The following MYO3A variants were observed in gnomAD, a reference collection of about 807,000 sequenced individuals.
MYO3A encodes myosin-IIIa.
In MYO3A, 180 loss-of-function variants were observed where a neutral mutation model predicts 192.7. The ratio of observed to expected loss-of-function variants is 0.93; its 90% CI spans 0.83 to 1.06. The LOEUF is 1.06. Among genes scored for constraint, MYO3A ranks in the 50% least tolerant of loss-of-function variants. The pLI, the probability that MYO3A is intolerant of heterozygous loss-of-function variation, is 0.00. For synonymous variants in MYO3A, 628 were observed against 645.3 expected (o/e 0.97, Z 0.41); for missense variants, 1,896 against 1,905.0 (o/e 1.00, Z 0.09).
At chr10:26,106,929 A>AT (rs34740956) in intron 17 of MYO3A, among the ~76,000 whole-genome samples, 105,397 of 151,816 alleles carry the variant, frequency 0.69, 36,761 homozygotes, top group Middle Eastern at 0.76. Flanking sequence ...AAATGTATCT[A>AT]TTTTTTTCTT....
intron 4 of MYO3A, among the ~76,000 whole-genome samples, chr10:25,965,221 A>C (rs1838185125): frequency 6.6e-6 from 1 of 152,110 alleles, no homozygotes; most frequent in African/African-American, 2.4e-5. Context: ...CTCCTCTTTA[A>C]GGCCAATAAC....
At chr10:26,202,936 A>C (rs372861228) in intron 33 of MYO3A, 28 bp from the exon 34 acceptor site, 21 of 1,611,714 alleles carry the variant, frequency 1.3e-5, no homozygotes, top group Non-Finnish European at 1.8e-5. Flanking sequence ...AGATTGATGC[A>C]ATGGTGTGTT....
intron 23 of MYO3A, among the ~76,000 whole-genome samples, chr10:26,148,383 C>T (rs571091438): frequency 6.6e-6 from 1 of 152,192 alleles, no homozygotes; most frequent in Admixed American, 6.5e-5. Context: ...GGCTAATGCA[C>T]ACTTCTTGAC....
intron 11 of MYO3A, among the ~76,000 whole-genome samples, chr10:26,067,787 C>T (rs931688668): frequency 6.6e-6 from 1 of 152,134 alleles, no homozygotes; most frequent in Non-Finnish European, 1.5e-5. Flanking sequence ...AATAAATGCC[C>T]TCTTTTTAGC....
In MYO3A at chr10:26,212,299, G is replaced by A; in HGVS notation, c.*336G>A. ...TTTTGTGACTCCTGTGGACTCCACT[G>A]CGCCTGGGATCTCGCCAACCCCTCT... On this transcript the variant is annotated 3_prime_UTR_variant, in exon 35 of 35. Transcript: ENST00000642920. 2.5e-6 allele frequency: 1 copy of A among 404,848 alleles called. No individual in the cohort carries two copies. Among genetic ancestry groups the A allele is most frequent in the Non-Finnish European group, 4.4e-6 (1 of 229,668 alleles). 25.1% of individuals were successfully genotyped at this position (404,848 alleles called of 1,614,324 possible).
chr10:26,048,675 A>G (rs4370835), intron 10 of MYO3A, among the ~76,000 whole-genome samples: 1 of 152,160 alleles, frequency 6.6e-6, no homozygotes, highest in Non-Finnish European at 1.5e-5. Flanking sequence ...GTATTTATTC[A>G]TATAGGTTTG....
chr10:26,131,646 A>G (rs1839542501), intron 20 of MYO3A, among the ~76,000 whole-genome samples: 1 of 152,192 alleles, frequency 6.6e-6, no homozygotes. Flanking sequence ...GAGCTTGTGT[A>G]TAGAAGCATT....
rs1834908245 is a variant in MYO3A, at chr10:26,067,212, T to G, written c.1053+138T>G. 2.0e-5 allele frequency: 13 copies of G among 642,184 alleles called. No homozygotes were observed. In the South Asian group the frequency reaches 2.3e-4, roughly 11 times the overall value. 39.8% of individuals were successfully genotyped at this position (642,184 alleles called of 1,614,324 possible). ...AATCTTAACACTCACTCTGCCCATG[T>G]CTCCCATCTGTAAGTCTCATGCTTT... On this transcript the variant is annotated intron_variant, in intron 11 of 34. Transcript: ENST00000642920.
intron 10 of MYO3A, among the ~76,000 whole-genome samples, chr10:26,055,229 T>G (rs2131308624): frequency 6.6e-6 from 1 of 152,290 alleles, no homozygotes; most frequent in South Asian, 2.1e-4. Context: ...TTTGTTTCCT[T>G]TATCAGTGCC....
chr10:26,101,487 AGC>A (rs1837447905), intron 17 of MYO3A, among the ~76,000 whole-genome samples: 10 of 152,176 alleles, frequency 6.6e-5, no homozygotes, highest in Non-Finnish European at 1.5e-4. Context: ...GTTTCTTCCT[AGC>A]GTCGATGGTC....
intron 34 of MYO3A, chr10:26,204,385 A>C (rs1438015008): frequency 2.6e-5 from 4 of 152,062 alleles, no homozygotes; most frequent in African/African-American, 9.7e-5. Context: ...CCTTCCCCCC[A>C]CTGGCAGATA....
At chr10:26,180,766 G>A (rs1842586748) in intron 31 of MYO3A, among the ~76,000 whole-genome samples, 1 of 150,580 alleles carries the variant, frequency 6.6e-6, no homozygotes, top group Admixed American at 6.6e-5. Context: ...ACCTGAAAGA[G>A]ACAAAAAAGA....
chr10:26,060,828 A>G (rs1816178939), intron 10 of MYO3A, among the ~76,000 whole-genome samples: 1 of 152,198 alleles, frequency 6.6e-6, no homozygotes, highest in South Asian at 2.1e-4. Context: ...ATTTAAAGCT[A>G]TTTTCTATCC....
At chr10:25,976,688 T>C (rs1262216257) in intron 4 of MYO3A, among the ~76,000 whole-genome samples, 1 of 152,182 alleles carries the variant, frequency 6.6e-6, no homozygotes, top group Admixed American at 6.5e-5. Flanking sequence ...TTAGTGTAGC[T>C]CTAGCTTAGG....
chr10:26,143,371 T>C (rs962713979), intron 20 of MYO3A, 77 bp from the exon 21 acceptor site: 27 of 1,425,086 alleles, frequency 1.9e-5, no homozygotes, highest in Middle Eastern at 1.8e-4. Context: ...TTTTAATATA[T>C]GCAAAGTAAA....
chr10:26,037,575 A>G (rs953796936), intron 10 of MYO3A, among the ~76,000 whole-genome samples: 2 of 152,188 alleles, frequency 1.3e-5, no homozygotes, highest in Non-Finnish European at 2.9e-5. Context: ...TTTTCCCAAC[A>G]CCATTTATTG....
Position 26,069,042 on chromosome 10 carries a change from A to G in MYO3A, c.1170+158A>G, listed in dbSNP as rs3817418. ...CATAGAACTAGGAAAAATAGAAGAT[A>G]GAGTCAATCTGGGTGCAGTTTGTGG... On this transcript the variant is annotated intron_variant, in intron 12 of 34. Transcript: ENST00000642920. 0.47 allele frequency among the ~76,000 whole-genome samples: 72,126 copies of G among 151,908 alleles called. 17,925 individuals are homozygous for G. Among genetic ancestry groups the G allele is most frequent in the Middle Eastern group, 0.59 (173 of 294 alleles).
intron 2 of MYO3A, among the ~76,000 whole-genome samples, chr10:25,947,393 T>TC (rs1025282808): frequency 4.2e-5 from 6 of 143,660 alleles, no homozygotes; most frequent in African/African-American, 1.3e-4. Context: ...CTTTTTCTTT[T>TC]TTTTTTTTTT....
rs180930598 is a variant in MYO3A, at chr10:25,997,335, C to A, written c.508+77C>A. On this transcript the variant is annotated intron_variant, in intron 6 of 34. Transcript: ENST00000642920. ...ATATGATTTGATCTTTTTCGAATGG[C>A]CTTCCTTTCTAGGTATTGGAAATAG... is the stretch of plus-strand genomic sequence containing the variant. 8.2e-5 allele frequency: 90 copies of A among 1,103,578 alleles called. No individual in the cohort carries two copies. The African/African-American group carries it at 1.2e-3, about 15-fold the overall frequency. The allele number at this position is 1,103,578 out of a possible 1,614,324, so 68.4% of individuals were successfully genotyped here. A position where few individuals can be genotyped will look rare whatever the true frequency, so the allele number is the denominator to read the frequency against.
Sources: allele counts gnomAD v4.1 joint callset (sites outside exome capture counted in the v4.1 genomes callset), GRCh38; gene constraint gnomAD v4.1.1; transcripts MANE v1.5; gene names NCBI Gene and HGNC (gene_info 2026-07-23, HGNC 2026-07-21).